Variants in PTH2R observed in about 807,000 individuals in gnomAD.
PTH2R encodes parathyroid hormone 2 receptor.
A neutral mutation model predicts 60.3 loss-of-function variants in PTH2R; 59 were observed. The ratio of observed to expected loss-of-function variants is 0.98; its 90% confidence interval spans 0.79 to 1.22. PTH2R has a LOEUF of 1.22. Ranked by LOEUF, PTH2R falls within the 50% of genes most tolerant of loss-of-function variation. The pLI is 0.00. For missense variants in PTH2R, 749 were observed against 682.6 expected (o/e 1.10, Z -1.08); for synonymous variants, 256 against 243.8 (o/e 1.05, Z -0.47).
At chr2:208,439,057 A>G (rs374747881) in intron 4 of PTH2R, among the ~76,000 whole-genome samples, 1 of 152,182 alleles carries the variant, frequency 6.6e-6, no homozygotes, top group African/African-American at 2.4e-5. Context: ...AGAAACAAAC[A>G]TTCACTGATA....
intron 2 of PTH2R, among the ~76,000 whole-genome samples, chr2:208,431,823 T>C (rs1701977829): frequency 6.6e-6 from 1 of 152,232 alleles, no homozygotes; most frequent in Non-Finnish European, 1.5e-5. Context: ...AACAGGTCAA[T>C]AGAAGCCTCT....
chr2:208,443,616 A>G (rs1702232622), intron 6 of PTH2R, 79 bp downstream of exon 6: 1 of 1,232,234 alleles, frequency 8.1e-7, no homozygotes. Flanking sequence ...TCCACTAAAC[A>G]TGTTAACTTG....
intron 1 of PTH2R, among the ~76,000 whole-genome samples, chr2:208,363,891 T>C (rs557177985): frequency 6.6e-5 from 10 of 152,270 alleles, no homozygotes; most frequent in African/African-American, 1.4e-4. Flanking sequence ...AATTTAAGTT[T>C]CATGTAGATT....
intron 1 of PTH2R, among the ~76,000 whole-genome samples, chr2:208,397,960 TA>T (rs1559208064): frequency 6.6e-6 from 1 of 152,174 alleles, no homozygotes. Flanking sequence ...AAAAGAAAAA[TA>T]AACTTCCCAA....
chr2:208,395,345 C>G (rs963407134), intron 1 of PTH2R, among the ~76,000 whole-genome samples: 3 of 152,128 alleles, frequency 2.0e-5, no homozygotes, highest in South Asian at 4.2e-4. Flanking sequence ...CACGCCCGGC[C>G]GAGTCTGATT....
chr2:208,466,702 A>C (rs561019898), intron 9 of PTH2R: 1 of 152,266 alleles, frequency 6.6e-6, no homozygotes, highest in South Asian at 2.1e-4. Flanking sequence ...GCCCATTTTT[A>C]AATTGGGTTG....
At chr2:208,447,820 A>G (rs1702320469) in intron 7 of PTH2R, among the ~76,000 whole-genome samples, 1 of 151,982 alleles carries the variant, frequency 6.6e-6, no homozygotes, top group African/African-American at 2.4e-5. Context: ...AACCAAGCAC[A>G]TTATTATTTT....
At chr2:208,448,101 T>C (rs1357691621) in intron 7 of PTH2R, among the ~76,000 whole-genome samples, 1 of 152,186 alleles carries the variant, frequency 6.6e-6, no homozygotes, top group Non-Finnish European at 1.5e-5. Context: ...ATATGTTCCC[T>C]GAAAATAATC....
intron 1 of PTH2R, among the ~76,000 whole-genome samples, chr2:208,371,937 A>G (rs559654897): frequency 6.6e-6 from 1 of 152,124 alleles, no homozygotes; most frequent in African/African-American, 2.4e-5. Context: ...TGATTGATTG[A>G]TTGAGATGGA....
At chr2:208,378,942 G>A (rs1228766920) in intron 1 of PTH2R, among the ~76,000 whole-genome samples, 1 of 152,118 alleles carries the variant, frequency 6.6e-6, no homozygotes, top group East Asian at 1.9e-4. Flanking sequence ...GAAGATTAGA[G>A]AAAGTGCATA....
intron 1 of PTH2R, chr2:208,361,379 A>G (rs1178582604): frequency 6.6e-6 from 1 of 152,246 alleles, no homozygotes; most frequent in Non-Finnish European, 1.5e-5. Context: ...GGGAGGCTGT[A>G]GTTGCTCTCC....
At chr2:208,433,534 CTA>C (rs1204967851) in intron 2 of PTH2R, among the ~76,000 whole-genome samples, 45 of 152,256 alleles carry the variant, frequency 3.0e-4, no homozygotes, top group African/African-American at 1.0e-3. Flanking sequence ...ATTAGATTAA[CTA>C]TTGCAAAATA....
chr2:208,430,094 G>A (rs2105857029), intron 2 of PTH2R, among the ~76,000 whole-genome samples: 1 of 152,114 alleles, frequency 6.6e-6, no homozygotes, highest in South Asian at 2.1e-4. Flanking sequence ...TGGAAGATAT[G>A]TATTATATTT....
intron 1 of PTH2R, among the ~76,000 whole-genome samples, chr2:208,425,967 G>A (rs545789042): frequency 9.2e-5 from 14 of 152,304 alleles, no homozygotes; most frequent in African/African-American, 3.4e-4. Context: ...TATATGTAAT[G>A]TGTAGGGCTT....
chr2:208,461,503 T>A (rs768166769), intron 9 of PTH2R, among the ~76,000 whole-genome samples: 14 of 152,178 alleles, frequency 9.2e-5, no homozygotes, highest in Non-Finnish European at 1.8e-4. Context: ...TTTATCTTGT[T>A]ACTTTTTCTT....
intron 1 of PTH2R, among the ~76,000 whole-genome samples, chr2:208,386,630 G>C (rs1701007621): frequency 6.6e-6 from 1 of 152,182 alleles, no homozygotes; most frequent in Admixed American, 6.5e-5. Context: ...GTTTCTCACA[G>C]TTCTGGAGTC....
chr2:208,380,656 T>C (rs1157955102), intron 1 of PTH2R, among the ~76,000 whole-genome samples: 1 of 152,088 alleles, frequency 6.6e-6, no homozygotes, highest in Non-Finnish European at 1.5e-5. Flanking sequence ...ATTTCTCTAG[T>C]GTATGGAACT....
chr2:208,469,646 T>C (rs1382709354), intron 9 of PTH2R, among the ~76,000 whole-genome samples: 1 of 152,196 alleles, frequency 6.6e-6, no homozygotes, highest in African/African-American at 2.4e-5. Context: ...TGTTAAAGTG[T>C]GTTAAAATTA....
chr2:208,479,030 G>A (rs144387875), intron 9 of PTH2R, among the ~76,000 whole-genome samples: 76 of 152,198 alleles, frequency 5.0e-4, no homozygotes, highest in African/African-American at 1.7e-3. Context: ...AGCTGTTCTC[G>A]CATGTATCAA....
Sources: gnomAD v4.1 joint callset for allele counts (sites outside exome capture counted in the v4.1 genomes callset) on GRCh38, gnomAD v4.1.1 for gene constraint, MANE v1.5 for transcripts, NCBI Gene and HGNC (gene_info 2026-07-23, HGNC 2026-07-21) for gene names.